The following ZNF438 variants were observed in gnomAD, a reference collection of about 807,000 sequenced individuals.
The protein encoded by ZNF438 is zinc finger protein 438.
A neutral mutation model predicts 38.0 loss-of-function variants in ZNF438; 25 were observed. That is an observed-to-expected ratio of 0.66 (90% CI 0.48 to 0.92). The LOEUF is 0.92. ZNF438 is among the 40% of genes least tolerant of loss of function. The pLI is 0.00. For missense variants in ZNF438, 1,007 were observed against 999.6 expected, an observed-to-expected ratio of 1.01 and a Z score of -0.10; for synonymous variants, 372 against 364.1, an observed-to-expected ratio of 1.02 and a Z score of -0.25.
chr10:30,958,213 C>T (rs12240755), intron 1 of ZNF438, among the ~76,000 whole-genome samples: 104,161 of 145,630 alleles, frequency 0.72, 41,704 homozygotes, highest in African/African-American at 0.91. Flanking sequence ...GGCTACCAGA[C>T]TGTATAGAAA....
At chr10:30,877,147 C>G in intron 3 of ZNF438, 82 bp from the exon 5 acceptor site, 3 of 749,740 alleles carry the variant, frequency 4.0e-6, no homozygotes, top group Non-Finnish European at 5.9e-6. Context: ...AAATTCTAAG[C>G]TGTTTTTTAA....
intron 3 of ZNF438, among the ~76,000 whole-genome samples, chr10:30,879,955 C>T (rs1015620370): frequency 2.6e-5 from 4 of 151,658 alleles, no homozygotes; most frequent in Admixed American, 6.6e-5. Context: ...TGTGAACACA[C>T]AGATCCAAAC....
intron 1 of ZNF438, among the ~76,000 whole-genome samples, chr10:31,004,557 T>G (rs1355142667): frequency 2.6e-5 from 4 of 152,178 alleles, no homozygotes; most frequent in African/African-American, 9.6e-5. Context: ...GAAGGCAGTA[T>G]GCTGTGAGGA....
intron 4 of ZNF438, among the ~76,000 whole-genome samples, chr10:30,870,754 G>A (rs1439173766): frequency 1.3e-5 from 2 of 152,144 alleles, no homozygotes; most frequent in Non-Finnish European, 2.9e-5. Flanking sequence ...TATCGCCTAG[G>A]AACAAATGGC....
At chr10:30,969,838 T>C (rs1416792168) in intron 1 of ZNF438, among the ~76,000 whole-genome samples, 1 of 152,132 alleles carries the variant, frequency 6.6e-6, no homozygotes, top group Non-Finnish European at 1.5e-5. Flanking sequence ...TGTTTTTTTT[T>C]CAGTGTCTCA....
intron 2 of ZNF438, among the ~76,000 whole-genome samples, chr10:30,938,447 T>C (rs958722631): frequency 1.3e-5 from 2 of 152,120 alleles, no homozygotes; most frequent in Admixed American, 1.3e-4. Flanking sequence ...GGCTAATTTG[T>C]GTATTTTTAG....
chr10:30,916,107 T>C (rs1300727207), intron 2 of ZNF438, among the ~76,000 whole-genome samples: 3 of 152,058 alleles, frequency 2.0e-5, no homozygotes, highest in Non-Finnish European at 4.4e-5. Context: ...CCAATCATTT[T>C]AGATTTCAGT....
At chr10:30,911,894 G>A (rs1007894979) in intron 2 of ZNF438, among the ~76,000 whole-genome samples, 3 of 152,034 alleles carry the variant, frequency 2.0e-5, no homozygotes, top group Non-Finnish European at 2.9e-5. Context: ...ACACACCAAA[G>A]TGGTGCCCCT....
rs558923617 is a variant in ZNF438, at chr10:30,947,632, C to T, written c.-191-5981G>A. ...GGTGCCCCTCTCCCAGCCTCACTGC[C>T]GCCTTGCAGTTTGATCTCAGACTGC... On this transcript the variant is annotated intron_variant, in intron 1 of 5. Transcript: ENST00000413025. Among the ~76,000 whole-genome samples, 653 of 152,366 alleles carry T rather than the reference C, an allele frequency of 4.3e-3. 2 individuals carry two copies. The highest frequency in any genetic ancestry group is 5.1e-3 in the Non-Finnish European group (344 of 68,032).
rs536008690 is a variant in ZNF438 at position 30,846,023 on chromosome 10, A to G, written c.1875-450T>C. On this transcript the variant is annotated intron_variant, in intron 5 of 5. Coordinates refer to ENST00000413025, the Ensembl canonical transcript of ZNF438. ...AATTTTGGCTCACTCTGTCATGTTCAGTAAAAATAAAGGGTGCCTACCCTA... is the reference window on the plus strand; with the variant it reads ...AATTTTGGCTCACTCTGTCATGTTCGGTAAAAATAAAGGGTGCCTACCCTA... Among the ~76,000 whole-genome samples, 321 of 152,370 alleles carry G rather than the reference A, an allele frequency of 2.1e-3. 1 individual carries two copies. Among genetic ancestry groups the G allele is most frequent in the African/African-American group, 7.0e-3 (291 of 41,592 alleles).
intron 1 of ZNF438, among the ~76,000 whole-genome samples, chr10:30,983,325 G>C (rs76699254): frequency 3.9e-5 from 6 of 152,162 alleles, no homozygotes; most frequent in Non-Finnish European, 8.8e-5. Flanking sequence ...ATGGTTCCTC[G>C]AGCTGCACAG....
intron 1 of ZNF438, among the ~76,000 whole-genome samples, chr10:30,958,654 G>A (rs2049132963): frequency 6.8e-6 from 1 of 146,950 alleles, no homozygotes; most frequent in Admixed American, 6.8e-5. Flanking sequence ...CTAAATGGAT[G>A]CAATCATCAC....
intron 2 of ZNF438, among the ~76,000 whole-genome samples, chr10:30,917,595 G>A (rs549166572): frequency 7.2e-5 from 11 of 152,210 alleles, no homozygotes; most frequent in South Asian, 4.1e-4. Flanking sequence ...AATATCTTCC[G>A]TTGTGCAGTG....
At chr10:30,922,953 C>T (rs1320468199) in intron 2 of ZNF438, among the ~76,000 whole-genome samples, 1 of 152,066 alleles carries the variant, frequency 6.6e-6, no homozygotes, top group East Asian at 1.9e-4. Flanking sequence ...AAACAGGGTG[C>T]CCCTAAGTAA....
intron 4 of ZNF438, among the ~76,000 whole-genome samples, chr10:30,857,058 A>C (rs1259795469): frequency 6.6e-6 from 1 of 152,192 alleles, no homozygotes. Flanking sequence ...AGGAAGTTAA[A>C]TAATCTGCCA....
chr10:31,003,404 T>G (rs756159634), intron 1 of ZNF438, among the ~76,000 whole-genome samples: 1 of 152,152 alleles, frequency 6.6e-6, no homozygotes, highest in Non-Finnish European at 1.5e-5. Flanking sequence ...TTGGGTCCCT[T>G]GTTTTAAAAC....
chr10:31,030,666 G>A (rs1237851545), intron 1 of ZNF438, among the ~76,000 whole-genome samples: 2 of 152,204 alleles, frequency 1.3e-5, no homozygotes, highest in Non-Finnish European at 2.9e-5. Flanking sequence ...CTACCTGGAT[G>A]AAAAGATATC....
intron 3 of ZNF438, among the ~76,000 whole-genome samples, chr10:30,889,377 C>T (rs1248271423): frequency 5.3e-5 from 8 of 152,104 alleles, no homozygotes; most frequent in African/African-American, 1.7e-4. Flanking sequence ...ATGCTGCTAA[C>T]GGGTTTGATT....
chr10:31,006,650 G>A (rs1198065650), intron 1 of ZNF438, among the ~76,000 whole-genome samples: 1 of 151,980 alleles, frequency 6.6e-6, no homozygotes, highest in African/African-American at 2.4e-5. Context: ...AGAGCCTCCT[G>A]AGACTTGCTG....
Sources: gnomAD v4.1 joint callset for allele counts (sites outside exome capture counted in the v4.1 genomes callset) on GRCh38, gnomAD v4.1.1 for gene constraint, MANE v1.5 for transcripts, NCBI Gene and HGNC (gene_info 2026-07-23, HGNC 2026-07-21) for gene names.